TRAF3IP1: variants seen among roughly 807,000 people sequenced by gnomAD.
The protein encoded by TRAF3IP1 is TRAF3-interacting protein 1.
In TRAF3IP1, 53 loss-of-function variants were observed where a neutral mutation model predicts 89.9. The ratio of observed to expected loss-of-function variants is 0.59; its 90% confidence interval spans 0.47 to 0.74. The LOEUF is 0.74. Ranked by LOEUF, TRAF3IP1 falls within the 30% of genes least tolerant of loss-of-function variation. The pLI, the probability that TRAF3IP1 is intolerant of heterozygous loss-of-function variation, is 0.00. For synonymous variants in TRAF3IP1, 311 were observed against 322.1 expected, an observed-to-expected ratio of 0.97 and a Z score of 0.37; for missense variants, 806 against 866.1, an observed-to-expected ratio of 0.93 and a Z score of 0.87.
chr2:238,377,670 T>G (rs1700377405), intron 15 of TRAF3IP1, among the ~76,000 whole-genome samples: 1 of 152,202 alleles, frequency 6.6e-6, no homozygotes, highest in Admixed American at 6.5e-5. Flanking sequence ...ATTTTGTTTT[T>G]CTTGTATGAT....
intron 15 of TRAF3IP1, among the ~76,000 whole-genome samples, chr2:238,365,973 C>CA (rs1474305302): frequency 2.0e-5 from 3 of 152,176 alleles, no homozygotes; most frequent in African/African-American, 7.2e-5. Context: ...CGGCTGGGCG[C>CA]AGTGGCTCAC....
intron 8 of TRAF3IP1, among the ~76,000 whole-genome samples, chr2:238,341,842 C>T (rs1033055187): frequency 3.3e-5 from 5 of 152,180 alleles, no homozygotes; most frequent in South Asian, 2.1e-4. Context: ...AGAGAGGAAG[C>T]GCCAGTGTTC....
At chr2:238,376,541 C>T (rs561612830) in intron 15 of TRAF3IP1, among the ~76,000 whole-genome samples, 39 of 152,304 alleles carry the variant, frequency 2.6e-4, no homozygotes, top group Non-Finnish European at 4.3e-4. Context: ...GTGAAAAACC[C>T]TCTTGGGATT....
intron 2 of TRAF3IP1, 29 bp from the exon 3 acceptor site, chr2:238,325,780 T>C (rs906750128): frequency 1.1e-5 from 18 of 1,595,892 alleles, no homozygotes; most frequent in Non-Finnish European, 1.5e-5. Context: ...AGTATTGTAA[T>C]ATTTGTATTT....
At chr2:238,326,229 A>G (rs903010038) in intron 3 of TRAF3IP1, among the ~76,000 whole-genome samples, 2 of 152,250 alleles carry the variant, frequency 1.3e-5, no homozygotes, top group Non-Finnish European at 2.9e-5. Flanking sequence ...GGAACCCTGC[A>G]GGCACACTGT....
intron 14 of TRAF3IP1, among the ~76,000 whole-genome samples, 159 bp downstream of exon 14, chr2:238,353,368 C>T (rs371435076): frequency 4.6e-5 from 7 of 152,132 alleles, no homozygotes; most frequent in Non-Finnish European, 8.8e-5. Context: ...TAGGACCCTG[C>T]GGGCATGGAT....
In TRAF3IP1 at chr2:238,400,112, T is replaced by C. The variant is rs1310703253; in HGVS notation, c.*1193T>C. The C allele has an allele frequency of 6.6e-6, 1 of 151,448 alleles. No individual in the cohort carries two copies. The highest frequency in any genetic ancestry group is 1.5e-5 in the Non-Finnish European group (1 of 67,866). 9.4% of individuals were successfully genotyped at this position (151,448 alleles called of 1,614,324 possible). On this transcript the variant is annotated 3_prime_UTR_variant, in exon 17 of 17. Transcript: ENST00000373327. Reference sequence around the variant, plus strand: ...TTGTTTCTTTCTTTTTTTTTTTTTTTTGAGATGGAGTCTTACTCTGTCGCC... The same window carrying C: ...TTGTTTCTTTCTTTTTTTTTTTTTTCTGAGATGGAGTCTTACTCTGTCGCC...
chr2:238,369,935 TC>T (rs1480754073), intron 15 of TRAF3IP1, among the ~76,000 whole-genome samples: 1 of 152,200 alleles, frequency 6.6e-6, no homozygotes, highest in East Asian at 1.9e-4. Context: ...TCTGGAGAGC[TC>T]CTTCAAGCTG....
Position 238,379,350 on chromosome 2 carries a change from G to A in TRAF3IP1, c.1690-18109G>A, listed in dbSNP as rs73999932. ...CATTGGTCACTGACTGAGACCATGCGACTGACTGAGACCATGCAGCTGGCT... is the reference window on the plus strand; with the variant it reads ...CATTGGTCACTGACTGAGACCATGCAACTGACTGAGACCATGCAGCTGGCT... On this transcript the variant is annotated intron_variant, in intron 15 of 16. Transcript: ENST00000373327. The surrounding 1 kb of genome is among the most constrained non-coding windows in gnomAD (Gnocchi z 4.0). 1.3e-5 allele frequency among the ~76,000 whole-genome samples: 2 copies of A among 152,124 alleles called. No homozygotes were observed. The highest frequency in any genetic ancestry group is 6.5e-5 in the Admixed American group (1 of 15,280).
At chr2:238,372,990 T>G (rs1321143424) in intron 15 of TRAF3IP1, among the ~76,000 whole-genome samples, 1 of 152,234 alleles carries the variant, frequency 6.6e-6, no homozygotes, top group East Asian at 1.9e-4. Flanking sequence ...TTTGTTTTTT[T>G]CTTGTAAATT....
At chr2:238,362,513 G>T (rs971776745) in intron 15 of TRAF3IP1, among the ~76,000 whole-genome samples, 6 of 152,126 alleles carry the variant, frequency 3.9e-5, no homozygotes, top group Admixed American at 3.3e-4. Flanking sequence ...CTTCCTCAGG[G>T]TGCCTCACAG....
At chr2:238,349,204 T>C in intron 11 of TRAF3IP1, 121 bp from the exon 12 acceptor site, 1 of 948,082 alleles carries the variant, frequency 1.1e-6, no homozygotes, top group Non-Finnish European at 1.6e-6. Flanking sequence ...TAGCGTGTCC[T>C]AACCAGCACA....
Position 238,379,695 on chromosome 2 carries a change from C to T in TRAF3IP1, c.1690-17764C>T, listed in dbSNP as rs887403554. Among the ~76,000 whole-genome samples the T allele has an allele frequency of 6.6e-6, 1 of 152,150 alleles. No homozygotes were observed. Among genetic ancestry groups the T allele is most frequent in the Non-Finnish European group, 1.5e-5 (1 of 68,036 alleles). On this transcript the variant is annotated intron_variant, in intron 15 of 16. Transcript: ENST00000373327. The surrounding 1 kb of genome is among the most constrained non-coding windows in gnomAD (Gnocchi z 4.0). ...ATGCCAGCCATTCAGTTCAGTGGGT[C>T]TCTTGTTGCCCAGTAACTACCTTTT...
At chr2:238,341,556 A>C (rs1698660029) in intron 8 of TRAF3IP1, among the ~76,000 whole-genome samples, 1 of 149,710 alleles carries the variant, frequency 6.7e-6, no homozygotes, top group Admixed American at 6.6e-5. Context: ...TAAAAAAAAA[A>C]CACTGGCTAT....
At chr2:238,338,688 A>G (rs773671679) in intron 8 of TRAF3IP1, among the ~76,000 whole-genome samples, 5 of 152,242 alleles carry the variant, frequency 3.3e-5, no homozygotes. Flanking sequence ...CTTTTTATAC[A>G]TAGATTATTT....
At chr2:238,388,880 C>T (rs560488321) in intron 15 of TRAF3IP1, among the ~76,000 whole-genome samples, 40 of 152,264 alleles carry the variant, frequency 2.6e-4, no homozygotes, top group Admixed American at 1.0e-3. Context: ...GCCATCTGCC[C>T]GCCTTGGCCT....
chr2:238,381,764 G>C (rs969947584), intron 15 of TRAF3IP1, among the ~76,000 whole-genome samples: 1 of 152,196 alleles, frequency 6.6e-6, no homozygotes, highest in African/African-American at 2.4e-5. Flanking sequence ...CAGAACTGAC[G>C]GGGACCTTTG....
At chr2:238,388,148 G>A (rs1700849930) in intron 15 of TRAF3IP1, among the ~76,000 whole-genome samples, 1 of 152,110 alleles carries the variant, frequency 6.6e-6, no homozygotes, top group Non-Finnish European at 1.5e-5. Context: ...GCCAAGGTGG[G>A]TGGATCACTT....
intron 15 of TRAF3IP1, among the ~76,000 whole-genome samples, chr2:238,360,465 A>G (rs1306980874): frequency 6.6e-6 from 1 of 152,208 alleles, no homozygotes; most frequent in African/African-American, 2.4e-5. Flanking sequence ...TGTCTCTACA[A>G]AAAAACAAAA....
Sources: allele counts gnomAD v4.1 joint callset (sites outside exome capture counted in the v4.1 genomes callset), GRCh38; gene constraint gnomAD v4.1.1; non-coding constraint Gnocchi (gnomAD v3.1); transcripts MANE v1.5; gene names NCBI Gene and HGNC (gene_info 2026-07-23, HGNC 2026-07-21).